The following TUBGCP3 variants were observed in gnomAD, a reference collection of about 807,000 sequenced individuals.
TUBGCP3 encodes the protein gamma-tubulin complex component 3.
A neutral mutation model predicts 123.1 loss-of-function variants in TUBGCP3; 50 were observed. The ratio of observed to expected loss-of-function variants is 0.41; its 90% CI spans 0.32 to 0.51. The LOEUF (loss-of-function observed/expected upper bound fraction) is 0.51. Among genes scored for constraint, TUBGCP3 ranks in the 20% least tolerant of loss-of-function variants. TUBGCP3 has a pLI of 0.36. For missense variants in TUBGCP3, 882 were observed against 1,127.0 expected, an observed-to-expected ratio of 0.78 and a Z score of 3.11; for synonymous variants, 405 against 413.9, an observed-to-expected ratio of 0.98 and a Z score of 0.26.
chr13:112,567,211 C>G (rs954058794), intron 2 of TUBGCP3, among the ~76,000 whole-genome samples: 9 of 152,218 alleles, frequency 5.9e-5, no homozygotes, highest in Non-Finnish European at 1.0e-4. Context: ...AAACACAACA[C>G]CCACAGGAAA....
chr13:112,514,819 C>T (rs1484810343), intron 17 of TUBGCP3, among the ~76,000 whole-genome samples: 1 of 152,080 alleles, frequency 6.6e-6, no homozygotes, highest in Non-Finnish European at 1.5e-5. Context: ...TATTCAGAGG[C>T]ATATAAAGTT....
intron 20 of TUBGCP3, among the ~76,000 whole-genome samples, chr13:112,493,600 T>A (rs1880289928): frequency 6.7e-6 from 1 of 150,062 alleles, no homozygotes; most frequent in African/African-American, 2.5e-5. Flanking sequence ...TGGCCTGGTG[T>A]GCCTGAGATG....
chr13:112,491,727 G>A (rs1041489819), intron 20 of TUBGCP3, among the ~76,000 whole-genome samples: 12 of 152,122 alleles, frequency 7.9e-5, no homozygotes, highest in African/African-American at 2.9e-4. Flanking sequence ...CTCAAGCTAT[G>A]CTCCCACCTC....
At chr13:112,533,619 G>A (rs1261724446) in intron 11 of TUBGCP3, among the ~76,000 whole-genome samples, 2 of 151,708 alleles carry the variant, frequency 1.3e-5, no homozygotes, top group Non-Finnish European at 1.5e-5. Flanking sequence ...GTCGTCAACA[G>A]GAACCACACA....
At chr13:112,488,790 C>A (rs1879861999) in intron 21 of TUBGCP3, among the ~76,000 whole-genome samples, 1 of 139,910 alleles carries the variant, frequency 7.1e-6, no homozygotes, top group Non-Finnish European at 1.6e-5. Flanking sequence ...TCCCCACACC[C>A]ACCACAGGGG....
the TUBGCP3 span, among the ~76,000 whole-genome samples, chr13:112,596,653 T>G: frequency 6.6e-6 from 1 of 152,224 alleles, no homozygotes; most frequent in Non-Finnish European, 1.5e-5. Context: ...TTTTCAGACA[T>G]TATTCCTTGA....
At chr13:112,557,320 A>G (rs559122847) in intron 5 of TUBGCP3, among the ~76,000 whole-genome samples, 4 of 152,372 alleles carry the variant, frequency 2.6e-5, no homozygotes, top group Non-Finnish European at 2.9e-5. Flanking sequence ...ATAGAACACT[A>G]GACCCCATTG....
intron 21 of TUBGCP3, among the ~76,000 whole-genome samples, chr13:112,487,110 C>A (rs1251892119): frequency 2.8e-5 from 4 of 143,738 alleles, no homozygotes; most frequent in Middle Eastern, 3.7e-3. Flanking sequence ...TGTATCACTG[C>A]CTTTTTAGGT....
At chr13:112,505,158 G>A (rs556322087) in intron 17 of TUBGCP3, among the ~76,000 whole-genome samples, 1 of 152,298 alleles carries the variant, frequency 6.6e-6, no homozygotes, top group South Asian at 2.1e-4. Flanking sequence ...CTTACCGCCT[G>A]TGAGAAAGAG....
chr13:112,518,533 G>C (rs1052989548), intron 16 of TUBGCP3, among the ~76,000 whole-genome samples: 1 of 152,184 alleles, frequency 6.6e-6, no homozygotes, highest in Non-Finnish European at 1.5e-5. Context: ...CTGTTATGTA[G>C]GTAAAAGCAC....
chr13:112,538,545 C>A (rs933395074), intron 11 of TUBGCP3, among the ~76,000 whole-genome samples: 1 of 152,186 alleles, frequency 6.6e-6, no homozygotes, highest in Admixed American at 6.5e-5. Flanking sequence ...TGCTGACTTT[C>A]TTCTCCCTGT....
At chr13:112,543,943 G>A (rs573978898) in intron 11 of TUBGCP3, among the ~76,000 whole-genome samples, 1 of 152,252 alleles carries the variant, frequency 6.6e-6, no homozygotes, top group Non-Finnish European at 1.5e-5. Context: ...CTATAAGCAC[G>A]AAAAGCTGGT....
Position 112,511,512 on chromosome 13 carries a change from C to T in TUBGCP3, c.2086+4928G>A, listed in dbSNP as rs759510363. 8.6e-5 allele frequency among the ~76,000 whole-genome samples: 13 copies of T among 151,946 alleles called. No homozygotes were observed. Among genetic ancestry groups the T allele is most frequent in the Non-Finnish European group, 1.3e-4 (9 of 67,988 alleles). On this transcript the variant is annotated intron_variant, in intron 17 of 21. Coordinates refer to ENST00000261965, the MANE Select transcript of TUBGCP3 (RefSeq NM_006322.6). The surrounding 1 kb of genome is among the most constrained non-coding windows in gnomAD (Gnocchi z 4.1). ...GGGCCGGTACTAAAGGCTGTGCTGC[C>T]GGAGCACAGAGCCCAGCTCCAGGAT...
intron 11 of TUBGCP3, among the ~76,000 whole-genome samples, chr13:112,537,756 C>A (rs1878182938): frequency 6.6e-6 from 1 of 152,186 alleles, no homozygotes; most frequent in Non-Finnish European, 1.5e-5. Context: ...ACCAGAGAAG[C>A]CATCGGCTCC....
chr13:112,582,006 C>T (rs1182028862), intron 1 of TUBGCP3, among the ~76,000 whole-genome samples: 1 of 152,164 alleles, frequency 6.6e-6, no homozygotes, highest in African/African-American at 2.4e-5. Context: ...ATCCTTCTTG[C>T]TGATTATAAA....
At chr13:112,547,991 G>T in intron 9 of TUBGCP3, 117 bp downstream of exon 9, 1 of 908,422 alleles carries the variant, frequency 1.1e-6, no homozygotes, top group Non-Finnish European at 1.6e-6. Context: ...ATAATATTAT[G>T]AAAAATATTG....
Position 112,547,538 on chromosome 13 carries a change from A to ATGGGAAAGTCGCGCG in TUBGCP3, c.1168+67_1168+81dup, listed in dbSNP as rs142738218. 1.3e-3 allele frequency: 1,647 copies of ATGGGAAAGTCGCGCG among 1,243,118 alleles called. 6 individuals are homozygous for ATGGGAAAGTCGCGCG. Among genetic ancestry groups the ATGGGAAAGTCGCGCG allele is most frequent in the East Asian group, 7.3e-3 (261 of 35,520 alleles). 77.0% of individuals were successfully genotyped at this position (1,243,118 alleles called of 1,614,324 possible). On this transcript the variant is annotated intron_variant, in intron 10 of 21. Transcript: ENST00000261965. ...AAAGACGCGCGTGGGAAAGACGTGC[A>ATGGGAAAGTCGCGCG]TGGGAAAGTCGCGCGTGGGAAAGTC... is the stretch of plus-strand genomic sequence containing the variant.
chr13:112,579,600 C>G (rs559268896), intron 1 of TUBGCP3, among the ~76,000 whole-genome samples: 38 of 148,820 alleles, frequency 2.6e-4, no homozygotes, highest in African/African-American at 9.3e-4. Flanking sequence ...CTGCTGTGTG[C>G]GGGTGGAGCC....
At chr13:112,528,397 T>C (rs1206249291) in intron 11 of TUBGCP3, among the ~76,000 whole-genome samples, 1 of 152,238 alleles carries the variant, frequency 6.6e-6, no homozygotes, top group Non-Finnish European at 1.5e-5. Context: ...TTTTGCATCC[T>C]GGCTCATTTT....
Sources: allele counts gnomAD v4.1 joint callset (sites outside exome capture counted in the v4.1 genomes callset), GRCh38; gene constraint gnomAD v4.1.1; non-coding constraint Gnocchi (gnomAD v3.1); transcripts MANE v1.5; gene names NCBI Gene and HGNC (gene_info 2026-07-23, HGNC 2026-07-21).